Variants in DGKG observed in about 807,000 individuals in gnomAD.
DGKG encodes the protein DAG kinase gamma.
Under a neutral mutation model 105.3 loss-of-function variants are expected in DGKG, and 78 were observed. That is an observed-to-expected ratio of 0.74 (90% confidence interval 0.62 to 0.89). The LOEUF (loss-of-function observed/expected upper bound fraction) is 0.89, where lower values mean the gene tolerates loss of function less well. Among genes scored for constraint, DGKG ranks in the 40% least tolerant of loss-of-function variants. The pLI, the probability that DGKG is intolerant of heterozygous loss-of-function variation, is 0.00. For synonymous variants in DGKG, 346 were observed against 367.1 expected, an observed-to-expected ratio of 0.94 and a Z score of 0.66; for missense variants, 958 against 1,020.1, an observed-to-expected ratio of 0.94 and a Z score of 0.83.
chr3:186,343,298 CT>C (rs892995823), intron 1 of DGKG, among the ~76,000 whole-genome samples: 2 of 151,310 alleles, frequency 1.3e-5, no homozygotes, highest in African/African-American at 4.9e-5. Context: ...TCTTTCTTTT[CT>C]TTTTTTTTGG....
intron 21 of DGKG, among the ~76,000 whole-genome samples, chr3:186,194,306 G>T (rs1232390683): frequency 1.3e-5 from 2 of 152,236 alleles, no homozygotes; most frequent in African/African-American, 2.4e-5. Context: ...TACAATCACA[G>T]AATTCTAGGC....
At chr3:186,343,896 A>G (rs1330696862) in intron 1 of DGKG, among the ~76,000 whole-genome samples, 1 of 152,172 alleles carries the variant, frequency 6.6e-6, no homozygotes, top group Non-Finnish European at 1.5e-5. Context: ...AACATTCCTC[A>G]ATACCAGCAA....
At chr3:186,201,619 A>G (rs996129919) in intron 21 of DGKG, among the ~76,000 whole-genome samples, 25 of 152,186 alleles carry the variant, frequency 1.6e-4, no homozygotes, top group African/African-American at 5.8e-4. Context: ...AGGAGAAGGC[A>G]TGAGTGCCAG....
At chr3:186,320,987 T>A (rs556798047) in intron 1 of DGKG, among the ~76,000 whole-genome samples, 5 of 152,288 alleles carry the variant, frequency 3.3e-5, no homozygotes, top group South Asian at 4.1e-4. Context: ...CCTAAGAGCA[T>A]CCTCAGGGCA....
At chr3:186,186,134 G>T (rs1717625605) in intron 22 of DGKG, among the ~76,000 whole-genome samples, 1 of 146,726 alleles carries the variant, frequency 6.8e-6, no homozygotes. Flanking sequence ...AACAATTCCT[G>T]AATCCTCTCT....
chr3:186,259,261 T>C (rs1001875162), intron 16 of DGKG, among the ~76,000 whole-genome samples: 4 of 152,124 alleles, frequency 2.6e-5, no homozygotes, highest in African/African-American at 4.8e-5. Flanking sequence ...CAATTTAGAA[T>C]ACACGAGGTG....
intron 20 of DGKG, among the ~76,000 whole-genome samples, chr3:186,223,689 A>G (rs1324555291): frequency 1.3e-5 from 2 of 152,156 alleles, no homozygotes; most frequent in Non-Finnish European, 2.9e-5. Context: ...CCTGCCAGCA[A>G]AATCCTTTCT....
At chr3:186,250,905 C>T (rs549168608) in intron 19 of DGKG, among the ~76,000 whole-genome samples, 9 of 152,124 alleles carry the variant, frequency 5.9e-5, no homozygotes, top group Admixed American at 2.6e-4. Context: ...ACTCCCACCC[C>T]CTCCCAACCC....
chr3:186,249,661 G>A (rs1450818071), intron 19 of DGKG, among the ~76,000 whole-genome samples: 3 of 152,290 alleles, frequency 2.0e-5, no homozygotes, highest in African/African-American at 7.2e-5. Flanking sequence ...GGCCAATGTG[G>A]TGAAACTCCA....
At chr3:186,295,729 G>A (rs987689520) in intron 5 of DGKG, among the ~76,000 whole-genome samples, 5 of 150,414 alleles carry the variant, frequency 3.3e-5, no homozygotes, top group Non-Finnish European at 7.4e-5. Flanking sequence ...GCCCATGAGA[G>A]ACCTTTCATG....
intron 19 of DGKG, among the ~76,000 whole-genome samples, chr3:186,250,012 G>A (rs1287329805): frequency 5.3e-5 from 8 of 152,134 alleles, no homozygotes; most frequent in African/African-American, 1.9e-4. Context: ...CAGAGGATTC[G>A]TCTGGAGGGT....
At chr3:186,180,934 G>A (rs1382092437) in intron 22 of DGKG, among the ~76,000 whole-genome samples, 1 of 152,220 alleles carries the variant, frequency 6.6e-6, no homozygotes, top group Non-Finnish European at 1.5e-5. Flanking sequence ...CCAAGGTATT[G>A]CCCTTCCCAG....
intron 22 of DGKG, among the ~76,000 whole-genome samples, chr3:186,167,028 A>T (rs1419887813): frequency 6.6e-6 from 1 of 152,110 alleles, no homozygotes; most frequent in Non-Finnish European, 1.5e-5. Flanking sequence ...CGAAGTTGTT[A>T]TCACTTCCCA....
Position 186,226,910 on chromosome 3 carries a change from GC to G in DGKG, c.1827-15026del, listed in dbSNP as rs1719885922. 6.6e-6 allele frequency among the ~76,000 whole-genome samples: 1 copy of G among 152,212 alleles called. No individual in the cohort carries two copies. The highest frequency in any genetic ancestry group is 2.4e-5 in the African/African-American group (1 of 41,452). On this transcript the variant is annotated intron_variant, in intron 20 of 24. Coordinates refer to ENST00000265022, the MANE Select transcript of DGKG (RefSeq NM_001346.3). This position sits in a 1 kb window ranked among gnomAD's most constrained non-coding sequence, Gnocchi z 4.2. The stretch of plus-strand genomic sequence containing the variant: ...TAAGTACATTCTTGAAGTGAGAAGA[GC>G]CCCTCTTTCATTGAAGAGCATTAGA...
At chr3:186,206,768 T>TTTA (rs1718763801) in intron 21 of DGKG, among the ~76,000 whole-genome samples, 1 of 151,950 alleles carries the variant, frequency 6.6e-6, no homozygotes, top group Admixed American at 6.5e-5. Context: ...TTGTTTTTTT[T>TTTA]GAGAGAGTTT....
chr3:186,280,912 A>G (rs1722803362), intron 7 of DGKG, among the ~76,000 whole-genome samples, 168 bp from the exon 8 acceptor site: 1 of 152,176 alleles, frequency 6.6e-6, no homozygotes, highest in East Asian at 1.9e-4. Context: ...TTCTGTCTCG[A>G]CCACAAAGCT....
intron 1 of DGKG, among the ~76,000 whole-genome samples, chr3:186,353,985 G>A (rs1305435549): frequency 1.3e-5 from 2 of 152,100 alleles, no homozygotes; most frequent in Non-Finnish European, 2.9e-5. Context: ...GATCATCCAG[G>A]CCTGCTGGAC....
At chr3:186,295,502 AAATAATAAT>A (rs56221168) in intron 5 of DGKG, among the ~76,000 whole-genome samples, 5 of 145,386 alleles carry the variant, frequency 3.4e-5, no homozygotes, top group South Asian at 2.2e-4. Context: ...CTCCGTCTCA[AAATAATAAT>A]AATAATAATA....
chr3:186,263,372 G>A (rs1372425346), intron 14 of DGKG, among the ~76,000 whole-genome samples: 1 of 152,014 alleles, frequency 6.6e-6, no homozygotes. Flanking sequence ...TTCGAGACCA[G>A]CCTGGCCAAT....
Sources: gnomAD v4.1 joint callset for allele counts (sites outside exome capture counted in the v4.1 genomes callset) on GRCh38, gnomAD v4.1.1 for gene constraint, Gnocchi (gnomAD v3.1) non-coding constraint, MANE v1.5 for transcripts, NCBI Gene and HGNC (gene_info 2026-07-23, HGNC 2026-07-21) for gene names.